CDK5RAP2: variants seen among roughly 807,000 people sequenced by gnomAD.
CDK5RAP2 encodes the protein CDK5 regulatory subunit associated protein 2, also known as CDK5 regulatory subunit-associated protein 2.
A neutral mutation model predicts 232.9 loss-of-function variants in CDK5RAP2; 147 were observed. That is an observed-to-expected ratio of 0.63 (90% CI 0.55 to 0.72). The LOEUF is 0.72. CDK5RAP2 is among the 30% of genes least tolerant of loss of function. The pLI is 0.00. For synonymous variants in CDK5RAP2, 833 were observed against 833.7 expected, an observed-to-expected ratio of 1.00 and a Z score of 0.01; for missense variants, 2,195 against 2,231.5, an observed-to-expected ratio of 0.98 and a Z score of 0.33.
At chr9:120,498,309 G>A (rs901228496) in intron 12 of CDK5RAP2, among the ~76,000 whole-genome samples, 2 of 152,038 alleles carry the variant, frequency 1.3e-5, no homozygotes, top group East Asian at 1.9e-4. Context: ...TTGCCCCCAC[G>A]ACCTGGTGTT....
intron 25 of CDK5RAP2, 57 bp from the exon 26 acceptor site, chr9:120,422,798 C>G (rs2034647250): frequency 7.6e-7 from 1 of 1,314,520 alleles, no homozygotes; most frequent in African/African-American, 1.4e-5. Context: ...TAAGTGTTCC[C>G]TAATAATTTC....
chr9:120,422,656 T>C lies in CDK5RAP2; in HGVS notation c.4004+37A>G. ...TGGCAGGTAAATCAGACCTAGAAAGTCCTGGGAAGTCTTCTTAACAAATGT... is the reference window on the plus strand; with the variant it reads ...TGGCAGGTAAATCAGACCTAGAAAGCCCTGGGAAGTCTTCTTAACAAATGT... On this transcript the variant is annotated intron_variant, in intron 26 of 37. Coordinates refer to ENST00000349780, the MANE Select transcript of CDK5RAP2 (RefSeq NM_018249.6). The C allele has an allele frequency of 1.9e-6, 3 of 1,544,556 alleles. No individual in the cohort carries two copies. In the South Asian group the frequency reaches 3.3e-5, roughly 17 times the overall value.
At position 120,419,881 on chromosome 9, in the gene CDK5RAP2, A is replaced by C. The variant is rs2034462294; in HGVS notation, c.4084T>G (p.Tyr1362Asp). 12 of 1,613,744 alleles carry C rather than the reference A, an allele frequency of 7.4e-6. No homozygotes were observed. Among genetic ancestry groups the C allele is most frequent in the Non-Finnish European group, 9.3e-6 (11 of 1,179,628 alleles). ...AAGAAGGACTTTTCAGATGTTTCAT[A>C]ATCAGAGAGCGCATGAGAGGCTGAA... Reference protein sequence around the residue: ...EPSASHALSDYETSEKSFFSR... With the variant: ...EPSASHALSDDETSEKSFFSR... Residue 1362 changes from tyrosine to aspartate, a missense_variant, in exon 27 of 38, where the codon TAT (tyrosine) becomes GAT (aspartate). Physicochemically the swap from Tyr to Asp is radical, Grantham distance 160. Transcript: ENST00000349780.
At chr9:120,463,126 C>T (rs2037183148) in intron 18 of CDK5RAP2, among the ~76,000 whole-genome samples, 1 of 152,134 alleles carries the variant, frequency 6.6e-6, no homozygotes, top group African/African-American at 2.4e-5. Flanking sequence ...AATCCCAGCA[C>T]TTTGGGAGGC....
intron 12 of CDK5RAP2, among the ~76,000 whole-genome samples, chr9:120,508,073 T>C (rs1193913102): frequency 1.3e-5 from 2 of 151,688 alleles, no homozygotes; most frequent in African/African-American, 4.9e-5. Flanking sequence ...TTTTGTTTTA[T>C]CTCTGGCCAG....
chr9:120,541,189 A>G (rs2041617377), intron 5 of CDK5RAP2, among the ~76,000 whole-genome samples: 1 of 151,952 alleles, frequency 6.6e-6, no homozygotes, highest in African/African-American at 2.4e-5. Flanking sequence ...TCCTCTATAA[A>G]ATGGCTCATC....
chr9:120,507,844 C>A (rs1283992084), intron 12 of CDK5RAP2, among the ~76,000 whole-genome samples: 1 of 140,498 alleles, frequency 7.1e-6, no homozygotes, highest in African/African-American at 2.7e-5. Flanking sequence ...CAGGTGCACT[C>A]TGGACCAGCA....
At chr9:120,523,846 G>A (rs773550603) in intron 11 of CDK5RAP2, among the ~76,000 whole-genome samples, 9 of 152,100 alleles carry the variant, frequency 5.9e-5, no homozygotes, top group Non-Finnish European at 7.4e-5. Context: ...TTTAAAACAC[G>A]AAATTAAAAT....
intron 26 of CDK5RAP2, 27 bp downstream of exon 26, chr9:120,422,666 T>C (rs778679666): frequency 2.5e-6 from 4 of 1,584,676 alleles, no homozygotes; most frequent in Non-Finnish European, 3.5e-6. Flanking sequence ...TCCTGGGAAG[T>C]CTTCTTAACA....
intron 14 of CDK5RAP2, among the ~76,000 whole-genome samples, chr9:120,486,416 A>AG (rs1428247955): frequency 6.8e-6 from 1 of 147,066 alleles, no homozygotes; most frequent in African/African-American, 2.7e-5. Flanking sequence ...TTTTAAAAAA[A>AG]AAAAAAAAAA....
intron 17 of CDK5RAP2, 69 bp from the exon 18 acceptor site, chr9:120,468,066 C>A: frequency 6.6e-7 from 1 of 1,524,388 alleles, no homozygotes; most frequent in Non-Finnish European, 9.1e-7. Context: ...GGCCGCAGCC[C>A]CAGACAGCCC....
intron 5 of CDK5RAP2, among the ~76,000 whole-genome samples, chr9:120,543,434 T>C (rs373584422): frequency 9.2e-5 from 14 of 152,358 alleles, no homozygotes; most frequent in Admixed American, 2.6e-4. Flanking sequence ...CTCAGACCTA[T>C]ACATTCTCTT....
intron 7 of CDK5RAP2, among the ~76,000 whole-genome samples, chr9:120,533,359 C>CA: frequency 6.6e-6 from 1 of 152,162 alleles, no homozygotes; most frequent in Non-Finnish European, 1.5e-5. Flanking sequence ...AGACTCTACT[C>CA]ACTGAAGCTC....
intron 31 of CDK5RAP2, 49 bp from the exon 32 acceptor site, chr9:120,407,297 G>C (rs368584172): frequency 7.0e-7 from 1 of 1,420,796 alleles, no homozygotes; most frequent in African/African-American, 1.4e-5. Flanking sequence ...CAACCAAAGG[G>C]TCAGCCATCG....
At chr9:120,467,008 G>A (rs1423305266) in intron 18 of CDK5RAP2, among the ~76,000 whole-genome samples, 5 of 152,180 alleles carry the variant, frequency 3.3e-5, no homozygotes, top group African/African-American at 7.2e-5. Context: ...GCTAACATGC[G>A]CATGAAGCAA....
chr9:120,408,611 T>G (rs2033643874), intron 30 of CDK5RAP2, 143 bp from the exon 31 acceptor site: 1 of 906,852 alleles, frequency 1.1e-6, no homozygotes, highest in Non-Finnish European at 1.7e-6. Flanking sequence ...GAATTCCATG[T>G]GCTCTCTAAT....
intron 28 of CDK5RAP2, among the ~76,000 whole-genome samples, chr9:120,414,823 G>GT (rs1241901921): frequency 3.3e-5 from 5 of 152,174 alleles, no homozygotes; most frequent in South Asian, 2.1e-4. Flanking sequence ...ATATTGCTTT[G>GT]TTTTATCTTA....
intron 31 of CDK5RAP2, chr9:120,407,717 A>T (rs1043710833): frequency 4.9e-5 from 8 of 163,122 alleles, no homozygotes; most frequent in Non-Finnish European, 1.1e-4. Flanking sequence ...AAAATAAAAA[A>T]AAAAAAAAAA....
rs111563757 is a variant in CDK5RAP2 at position 120,518,214 on chromosome 9, A to T, written c.1311+213T>A. 0.078 allele frequency among the ~76,000 whole-genome samples: 1,930 copies of T among 24,610 alleles called. 17 individuals carry two copies. Among genetic ancestry groups the T allele is most frequent in the Admixed American group, 0.11 (225 of 2,026 alleles). The allele number at this position is 24,610 out of a possible 152,430, so 16.1% of individuals were successfully genotyped here. A position where few individuals can be genotyped will look rare whatever the true frequency, so the allele number is the denominator to read the frequency against. On this transcript the variant is annotated intron_variant, in intron 12 of 37. Transcript: ENST00000349780. ...GTGTGTGTGTGTGTGTGTGTGTGAGAGAGAGAGAGAGAGAGAGAGAGAGAG... is the reference window on the plus strand; with the variant it reads ...GTGTGTGTGTGTGTGTGTGTGTGAGTGAGAGAGAGAGAGAGAGAGAGAGAG...
Sources: allele counts gnomAD v4.1 joint callset (sites outside exome capture counted in the v4.1 genomes callset), GRCh38; gene constraint gnomAD v4.1.1; transcripts MANE v1.5; gene names NCBI Gene and HGNC (gene_info 2026-07-23, HGNC 2026-07-21).